BRCA1: variants seen among roughly 807,000 people sequenced by gnomAD.
BRCA1 encodes the protein BRCA1 DNA repair associated.
BRCA1 carries 140 observed loss-of-function variants against 173.7 expected under a neutral mutation model. The ratio of observed to expected loss-of-function variants is 0.81; its 90% CI spans 0.70 to 0.93. BRCA1 has a LOEUF of 0.93. BRCA1 is among the 40% of genes least tolerant of loss of function. The pLI is 0.00. For missense variants in BRCA1, 1,983 were observed against 2,172.5 expected, an observed-to-expected ratio of 0.91 and a Z score of 1.73; for synonymous variants, 662 against 756.0, an observed-to-expected ratio of 0.88 and a Z score of 2.04.
At position 43,064,083 on chromosome 17, in the gene BRCA1, G is replaced by A. The variant is rs2051946566; in HGVS notation, c.5075-132C>T. 1.4e-5 allele frequency: 11 copies of A among 772,138 alleles called. No homozygotes were observed. The South Asian group carries it at 1.5e-4, about 11-fold the overall frequency. 47.8% of individuals were successfully genotyped at this position (772,138 alleles called of 1,614,324 possible). ...TGGATTTATGATTCTAAAACCCCTG[G>A]TGACAGAATCAGAGGCTGAAAACAC... On this transcript the variant is annotated intron_variant, in intron 16 of 22. Coordinates refer to ENST00000357654, the MANE Select transcript of BRCA1 (RefSeq NM_007294.4).
intron 2 of BRCA1, among the ~76,000 whole-genome samples, chr17:43,117,196 C>T (rs2055335325): frequency 1.3e-5 from 2 of 152,118 alleles, no homozygotes; most frequent in Admixed American, 1.3e-4. Context: ...AATCCTAGCA[C>T]TTTGGGAGGC....
intron 1 of BRCA1, among the ~76,000 whole-genome samples, chr17:43,136,032 C>T (rs1278995392): frequency 6.6e-6 from 1 of 152,190 alleles, no homozygotes; most frequent in Non-Finnish European, 1.5e-5. Flanking sequence ...AGGGCTCCCG[C>T]CTGTAATTCC....
Position 43,067,368 on chromosome 17 carries a change from C to T in BRCA1, c.5074+240G>A, listed in dbSNP as rs1016935416. On this transcript the variant is annotated intron_variant, in intron 16 of 22. Coordinates refer to ENST00000357654, the MANE Select transcript of BRCA1 (RefSeq NM_007294.4). Reference sequence around the variant, plus strand: ...CTCCCCGGTTCAAGTGATTCTCCTGCCTCAGCCTCACGAGTAGCTGGGACT... The same window carrying T: ...CTCCCCGGTTCAAGTGATTCTCCTGTCTCAGCCTCACGAGTAGCTGGGACT... 4 of 398,008 alleles carry T rather than the reference C, an allele frequency of 1.0e-5. No individual in the cohort carries two copies. In the East Asian group the frequency reaches 2.3e-4, roughly 22 times the overall value. The allele number at this position is 398,008 out of a possible 1,614,324, so 24.7% of individuals were successfully genotyped here.
chr17:43,063,801 T>C, intron 17 of BRCA1, 73 bp downstream of exon 17: 1 of 1,224,518 alleles, frequency 8.2e-7, no homozygotes, highest in East Asian at 2.4e-5. Context: ...AAACCTTAGG[T>C]GTTAAACGTT....
At chr17:43,061,861 A>C (rs2051775199) in intron 18 of BRCA1, among the ~76,000 whole-genome samples, 1 of 152,156 alleles carries the variant, frequency 6.6e-6, no homozygotes, top group Non-Finnish European at 1.5e-5. Flanking sequence ...CTGGGATTAT[A>C]GGCATGAGCC....
At position 43,076,494 on chromosome 17, in the gene BRCA1, A is replaced by T. The variant is rs2154057576; in HGVS notation, c.4478T>A (p.Val1493Glu). ...SSTSKNKEPGVERSSPSKCPS... is the reference protein window; with the variant it reads ...SSTSKNKEPGEERSSPSKCPS... ...TTACATTGATGTTTCTTACCTTTCC[A>T]CTCCTGGTTCTTTATTTTTACTGGT... The change falls in exon 13 of 23, where the codon GTG becomes GAG. Residue 1493 changes from valine to glutamate, a missense_variant. Val to Glu is a moderately radical substitution (Grantham distance 121). Transcript: ENST00000357654. 6.2e-7 allele frequency: 1 copy of T among 1,613,164 alleles called. No individual in the cohort carries two copies.
In BRCA1 at chr17:43,049,053, A is replaced by G. The variant is rs8176307; in HGVS notation, c.5406+68T>C. 1.9e-3 allele frequency: 2,744 copies of G among 1,473,338 alleles called. 33 individuals are homozygous for G. In the African/African-American group the frequency reaches 0.033, roughly 18 times the overall value. 91.3% of individuals were successfully genotyped at this position (1,473,338 alleles called of 1,614,324 possible). A position where few individuals can be genotyped will look rare whatever the true frequency, so the allele number is the denominator to read the frequency against. On this transcript the variant is annotated intron_variant, in intron 21 of 22. Coordinates refer to ENST00000357654, the MANE Select transcript of BRCA1 (RefSeq NM_007294.4). ...AGTAGGGGCATCCATAGGGACTGAC[A>G]GGTGCCAGTCTTGCTCACAGGAGAG...
chr17:43,047,122 C>T (rs8176311), intron 22 of BRCA1, among the ~76,000 whole-genome samples: 6 of 151,910 alleles, frequency 3.9e-5, no homozygotes, highest in Admixed American at 3.9e-4. Flanking sequence ...CTTTTTGAGA[C>T]ACGGTCTCGC....
intron 11 of BRCA1, among the ~76,000 whole-genome samples, chr17:43,085,199 T>C (rs915311159): frequency 6.6e-6 from 1 of 152,178 alleles, no homozygotes; most frequent in Non-Finnish European, 1.5e-5. Flanking sequence ...TTGTTTATCA[T>C]GTCTTTTTCT....
rs2054700511 is a variant in BRCA1, at chr17:43,104,965, A to C, written c.213-9T>G. On this transcript the variant is annotated splice_polypyrimidine_tract_variant and intron_variant, in intron 4 of 22. Coordinates refer to ENST00000357654, the MANE Select transcript of BRCA1 (RefSeq NM_007294.4). The stretch of plus-strand genomic sequence containing the variant: ...TACTTTCTTGTAGGCTCCTGAAATT[A>C]AATTGTTTGAGAAACACACTCAGCA... 6.2e-7 allele frequency: 1 copy of C among 1,609,360 alleles called. No homozygotes were observed. Among genetic ancestry groups the C allele is most frequent in the African/African-American group, 1.3e-5 (1 of 74,958 alleles).
At chr17:43,059,509 A>ACAG (rs2051655041) in intron 18 of BRCA1, among the ~76,000 whole-genome samples, 1 of 151,762 alleles carries the variant, frequency 6.6e-6, no homozygotes. Flanking sequence ...AACAACAACA[A>ACAG]CAACAAATTC....
At chr17:43,138,894 C>G (rs1028428631) in intron 1 of BRCA1, 2 of 778,784 alleles carry the variant, frequency 2.6e-6, no homozygotes, top group African/African-American at 3.4e-5. Context: ...AGTTTCCTGA[C>G]TTCTTCCATC....
rs2154476392 is a variant in BRCA1 at position 43,094,436 on chromosome 17, T to C, written c.1095A>G (p.Arg365=). ...TTATCCAAGGAACATCTTCAGTATC[T>C]CTAGGATTCTCTGAGCATGGCAGTT... ...KQKLPCSENP[R]DTEDVPWITL... Residue 365 remains arginine (R), a synonymous_variant, in exon 10 of 23, where the codon AGA becomes AGG. Coordinates refer to ENST00000357654, the MANE Select transcript of BRCA1 (RefSeq NM_007294.4). 1 of 1,614,116 alleles carries C rather than the reference T, an allele frequency of 6.2e-7. No homozygotes were observed. The highest frequency in any genetic ancestry group is 1.3e-5 in the African/African-American group (1 of 75,062).
At position 43,092,951 on chromosome 17, in the gene BRCA1, T is replaced by C. The variant is rs556684572; in HGVS notation, c.2580A>G (p.Thr860=). The C allele has an allele frequency of 8.1e-6, 13 of 1,613,850 alleles. No individual in the cohort carries two copies. The South Asian group carries it at 1.2e-4, about 15-fold the overall frequency. ...SELDAQYLQN[T]FKVSKRQSFA... ...ATGACTGGCGCTTTGAAACCTTGAA[T>C]GTATTCTGCAAATACTGAGCATCAA... Residue 860 remains threonine (T), a synonymous_variant, in exon 10 of 23, where the codon ACA becomes ACG. Transcript: ENST00000357654.
At chr17:43,109,508 C>G (rs1332322095) in intron 3 of BRCA1, among the ~76,000 whole-genome samples, 1 of 152,112 alleles carries the variant, frequency 6.6e-6, no homozygotes, top group East Asian at 1.9e-4. Flanking sequence ...GACTTGGGTC[C>G]TTCTTCGCCG....
At chr17:43,123,909 T>C in intron 2 of BRCA1, 108 bp downstream of exon 2, 1 of 873,050 alleles carries the variant, frequency 1.1e-6, no homozygotes, top group Non-Finnish European at 1.9e-6. Context: ...AATAGCCTAA[T>C]CTTACTAGAC....
intron 19 of BRCA1, among the ~76,000 whole-genome samples, chr17:43,051,729 A>G (rs1397576486): frequency 2.0e-5 from 3 of 150,628 alleles, no homozygotes; most frequent in Non-Finnish European, 1.5e-5. Flanking sequence ...CTCTGCCTCC[A>G]GGGTTCAAGC....
In BRCA1 at chr17:43,100,595, T is replaced by TATTA. The variant is rs1491092005; in HGVS notation, c.442-716_442-715insTAAT. 5.3e-4 allele frequency among the ~76,000 whole-genome samples: 33 copies of TATTA among 61,986 alleles called. 5 individuals carry two copies. The highest frequency in any genetic ancestry group is 2.6e-3 in the African/African-American group (33 of 12,476). 40.7% of individuals were successfully genotyped at this position (61,986 alleles called of 152,430 possible). ...ATAACATATATATAACATATATATA[T>TATTA]TATATATATATAACATATATATAAC... is the stretch of plus-strand genomic sequence containing the variant. On this transcript the variant is annotated intron_variant, in intron 6 of 22. Transcript: ENST00000357654.
Position 43,082,780 on chromosome 17 carries a change from G to GA in BRCA1, c.4186-206dup, listed in dbSNP as rs532945782. The GA allele has an allele frequency of 3.0e-4, 182 of 606,898 alleles. 1 individual carries two copies. In the East Asian group the frequency reaches 3.8e-3, roughly 13 times the overall value. The allele number at this position is 606,898 out of a possible 1,614,324, so 37.6% of individuals were successfully genotyped here. A position where few individuals can be genotyped will look rare whatever the true frequency, so the allele number is the denominator to read the frequency against. Reference sequence around the variant, plus strand: ...TTATTTCCAAATGATGTTAGTGAGGGAAAAAATCCTCAAATTCCCCCAAAT... The same window carrying GA: ...TTATTTCCAAATGATGTTAGTGAGGGAAAAAAATCCTCAAATTCCCCCAAAT... On this transcript the variant is annotated intron_variant, in intron 11 of 22. Coordinates refer to ENST00000357654, the MANE Select transcript of BRCA1 (RefSeq NM_007294.4).
Sources: gnomAD v4.1 joint callset for allele counts (sites outside exome capture counted in the v4.1 genomes callset) on GRCh38, gnomAD v4.1.1 for gene constraint, MANE v1.5 for transcripts, NCBI Gene and HGNC (gene_info 2026-07-23, HGNC 2026-07-21) for gene names.